The following ARF3 variants were observed in gnomAD, a reference collection of about 807,000 sequenced individuals.
ARF3 encodes the protein ARF GTPase 3.
ARF3 carries 5 observed loss-of-function variants against 19.3 expected under a neutral mutation model. The observed-to-expected ratio is 0.26, with a 90% CI of 0.14 to 0.54. ARF3 has a LOEUF of 0.54. Ranked by LOEUF, ARF3 falls within the 20% of genes least tolerant of loss-of-function variation. The probability of loss-of-function intolerance (pLI) is 0.95; values close to 1 mark genes in which losing one functional copy is unlikely to be tolerated. For missense variants in ARF3, 77 were observed against 234.2 expected, an observed-to-expected ratio of 0.33 and a Z score of 4.38; for synonymous variants, 71 against 89.2, an observed-to-expected ratio of 0.80 and a Z score of 1.15.
At chr12:48,949,079 CA>C in intron 1 of ARF3, among the ~76,000 whole-genome samples, 1 of 152,190 alleles carries the variant, frequency 6.6e-6, no homozygotes, top group East Asian at 1.9e-4. Context: ...GTAGAATCCA[CA>C]GGATTTAATG....
Position 48,951,586 on chromosome 12 carries a change from AAAT to A in ARF3, c.-94+5721_-94+5723del, listed in dbSNP as rs1169405694. The stretch of plus-strand genomic sequence containing the variant: ...CACAAAAATAAATAAATAAATAAAT[AAAT>A]AATAAATAGGCCGGGCGCGGTGGCT... On this transcript the variant is annotated intron_variant, in intron 1 of 4. Transcript: ENST00000256682. 6.1e-4 allele frequency among the ~76,000 whole-genome samples: 86 copies of A among 140,792 alleles called. No individual in the cohort carries two copies. In the Middle Eastern group the frequency reaches 0.031, roughly 50 times the overall value. 92.4% of individuals were successfully genotyped at this position (140,792 alleles called of 152,430 possible).
intron 1 of ARF3, among the ~76,000 whole-genome samples, chr12:48,946,705 C>T (rs1940364190): frequency 6.6e-6 from 1 of 152,242 alleles, no homozygotes; most frequent in Admixed American, 6.5e-5. Flanking sequence ...TTGAGGACAA[C>T]TCACTGCTCC....
intron 1 of ARF3, among the ~76,000 whole-genome samples, chr12:48,942,520 T>C (rs1940278191): frequency 6.6e-6 from 1 of 152,092 alleles, no homozygotes; most frequent in Non-Finnish European, 1.5e-5. Context: ...ACCACATGTA[T>C]AACACACACA....
intron 1 of ARF3, among the ~76,000 whole-genome samples, chr12:48,942,467 T>A (rs984262886): frequency 2.0e-5 from 3 of 152,042 alleles, no homozygotes; most frequent in African/African-American, 4.8e-5. Context: ...CTCCTTCAGT[T>A]AGTTGTCTGT....
chr12:48,954,954 G>T (rs536508303), intron 1 of ARF3, among the ~76,000 whole-genome samples: 4 of 152,216 alleles, frequency 2.6e-5, no homozygotes, highest in Non-Finnish European at 5.9e-5. Flanking sequence ...GCTCGAGGCT[G>T]CAGTGAGTTA....
intron 2 of ARF3, 37 bp from the exon 3 acceptor site, chr12:48,940,144 A>G: frequency 5.8e-6 from 9 of 1,551,514 alleles, no homozygotes; most frequent in Non-Finnish European, 8.0e-6. Flanking sequence ...ACTTGGCCTC[A>G]AACACTAGCC....
At chr12:48,957,245 C>T (rs1940588662) in intron 1 of ARF3, 65 bp downstream of exon 1, 1 of 152,828 alleles carries the variant, frequency 6.5e-6, no homozygotes, top group African/African-American at 2.4e-5. Context: ...GCTCTATCTC[C>T]TCAGCCCTCA....
At chr12:48,950,558 A>G (rs939489841) in intron 1 of ARF3, among the ~76,000 whole-genome samples, 1 of 152,136 alleles carries the variant, frequency 6.6e-6, no homozygotes, top group African/African-American at 2.4e-5. Flanking sequence ...TTAAGTATAC[A>G]ATTCAGTAGC....
intron 1 of ARF3, among the ~76,000 whole-genome samples, chr12:48,942,708 C>T (rs1940283496): frequency 6.6e-6 from 1 of 152,224 alleles, no homozygotes; most frequent in Admixed American, 6.5e-5. Flanking sequence ...TAGTGCCTAG[C>T]ACACAGTACT....
chr12:48,954,530 AAAT>A (rs1940526538), intron 1 of ARF3, among the ~76,000 whole-genome samples: 1 of 152,208 alleles, frequency 6.6e-6, no homozygotes, highest in African/African-American at 2.4e-5. Context: ...ACAACCAAAA[AAAT>A]AATAATTCTC....
In ARF3 at chr12:48,936,028, C is replaced by T. The variant is rs996610870; in HGVS notation, c.*2919G>A. On this transcript the variant is annotated 3_prime_UTR_variant, in exon 5 of 5. Coordinates refer to ENST00000256682, the MANE Select transcript of ARF3 (RefSeq NM_001659.3). ...CGCGGGGTATGATGGGAAGAAATAA[C>T]CAGTGTGGAGTGGCACTAAGTTCCT... is the stretch of plus-strand genomic sequence containing the variant. 3.3e-5 allele frequency: 5 copies of T among 152,210 alleles called. No homozygotes were observed. The highest frequency in any genetic ancestry group is 1.3e-4 in the Admixed American group (2 of 15,280). 9.4% of individuals were successfully genotyped at this position (152,210 alleles called of 1,614,324 possible).
intron 1 of ARF3, chr12:48,941,580 G>A (rs1940257501): frequency 6.6e-6 from 1 of 152,348 alleles, no homozygotes; most frequent in Non-Finnish European, 1.5e-5. Context: ...TGAGACTTCT[G>A]GCAAGGGTGG....
chr12:48,936,856 A>G lies in ARF3; in HGVS notation c.*2091T>C, dbSNP rs1052804795. 3.9e-5 allele frequency: 6 copies of G among 152,270 alleles called. No homozygotes were observed. Among genetic ancestry groups the G allele is most frequent in the African/African-American group, 1.4e-4 (6 of 41,440 alleles). 9.4% of individuals were successfully genotyped at this position (152,270 alleles called of 1,614,324 possible). ...GTGAATGAGTTGAGATTGAAAAGGA[A>G]AGAGTTCAAGGAAGGAGAGGCAATG... On this transcript the variant is annotated 3_prime_UTR_variant, in exon 5 of 5. Transcript: ENST00000256682.
intron 1 of ARF3, among the ~76,000 whole-genome samples, chr12:48,942,969 T>C (rs1940289450): frequency 6.6e-6 from 1 of 152,142 alleles, no homozygotes; most frequent in African/African-American, 2.4e-5. Context: ...TAGCCGGGCA[T>C]GGTGGCACAC....
chr12:48,938,303 C>A lies in ARF3; in HGVS notation c.*644G>T. 1 of 442,074 alleles carries A rather than the reference C, an allele frequency of 2.3e-6. No homozygotes were observed. The allele number at this position is 442,074 out of a possible 1,614,324, so 27.4% of individuals were successfully genotyped here. On this transcript the variant is annotated 3_prime_UTR_variant, in exon 5 of 5. Coordinates refer to ENST00000256682, the MANE Select transcript of ARF3 (RefSeq NM_001659.3). ...GAGGGTAACCAGTCAAAGACTGGGG[C>A]AGTCCGGCTTGACTAATGCCCTCCC...
chr12:48,945,411 CT>C (rs1456486451), intron 1 of ARF3, among the ~76,000 whole-genome samples: 4 of 152,182 alleles, frequency 2.6e-5, no homozygotes, highest in Non-Finnish European at 5.9e-5. Flanking sequence ...AACCCTGTCT[CT>C]GCTAAAAATA....
rs1298160171 is a variant in ARF3 at position 48,939,525 on chromosome 12, G to A, written c.384+130C>T. ...AAGAAGAGGGGCATAAAGAAGCCAA[G>A]TGCTCAGTTTCCCACGCTTCTAACA... On this transcript the variant is annotated intron_variant, in intron 4 of 4. Transcript: ENST00000256682. This position sits in a 1 kb window ranked among gnomAD's most constrained non-coding sequence, Gnocchi z 4.8. 3.9e-6 allele frequency: 5 copies of A among 1,289,290 alleles called. No individual in the cohort carries two copies. In the East Asian group the frequency reaches 1.2e-4, roughly 31 times the overall value. 79.9% of individuals were successfully genotyped at this position (1,289,290 alleles called of 1,614,324 possible).
chr12:48,940,864 G>A, intron 2 of ARF3, 84 bp downstream of exon 2: 1 of 1,455,430 alleles, frequency 6.9e-7, no homozygotes, highest in South Asian at 1.4e-5. Context: ...CTGGGGAGAA[G>A]AGGCCAGGTT....
In ARF3 at chr12:48,937,538, C is replaced by T. The variant is rs1460108501; in HGVS notation, c.*1409G>A. 6.6e-6 allele frequency: 1 copy of T among 152,380 alleles called. No homozygotes were observed. The allele number at this position is 152,380 out of a possible 1,614,324, so 9.4% of individuals were successfully genotyped here. ...CACTGCATCCCACAAGCACTGACAA[C>T]CACTTCAGGATTTTATTTCCTCCAC... On this transcript the variant is annotated 3_prime_UTR_variant, in exon 5 of 5. Transcript: ENST00000256682.
Sources: gnomAD v4.1 joint callset for allele counts (sites outside exome capture counted in the v4.1 genomes callset) on GRCh38, gnomAD v4.1.1 for gene constraint, Gnocchi (gnomAD v3.1) non-coding constraint, MANE v1.5 for transcripts, NCBI Gene and HGNC (gene_info 2026-07-23, HGNC 2026-07-21) for gene names.